BTBD7: variants seen among roughly 807,000 people sequenced by gnomAD.
BTBD7 encodes BTB/POZ domain-containing protein 7.
A neutral mutation model predicts 99.9 loss-of-function variants in BTBD7; 38 were observed. That is an observed-to-expected ratio of 0.38 (90% CI 0.29 to 0.50). The LOEUF (loss-of-function observed/expected upper bound fraction) is 0.50. BTBD7 is among the 20% of genes least tolerant of loss of function. The pLI is 0.93. For missense variants in BTBD7, 1,170 were observed against 1,394.6 expected (o/e 0.84, Z 2.57); for synonymous variants, 520 against 511.4 (o/e 1.02, Z -0.23).
chr14:93,262,390 C>T (rs1436590214), intron 4 of BTBD7, among the ~76,000 whole-genome samples: 1 of 152,058 alleles, frequency 6.6e-6, no homozygotes, highest in Non-Finnish European at 1.5e-5. Flanking sequence ...GCCTTGGCCT[C>T]CCAAAATGGC....
At chr14:93,275,021 T>C (rs2052639813) in intron 3 of BTBD7, among the ~76,000 whole-genome samples, 1 of 152,164 alleles carries the variant, frequency 6.6e-6, no homozygotes, top group Admixed American at 6.5e-5. Flanking sequence ...GAAAAAGAAG[T>C]AGGCAATCTC....
intron 3 of BTBD7, chr14:93,288,508 C>A (rs1447923069): frequency 1.3e-6 from 1 of 768,742 alleles, no homozygotes; most frequent in African/African-American, 1.7e-5. Flanking sequence ...TATTTTGATT[C>A]TACTGAAGTT....
rs2052306410 is a variant in BTBD7 at position 93,246,160 on chromosome 14, A to C, written c.2248T>G (p.Ser750Ala). The C allele has an allele frequency of 4.3e-6, 7 of 1,613,938 alleles. No homozygotes were observed. The highest frequency in any genetic ancestry group is 5.9e-6 in the Non-Finnish European group (7 of 1,179,990). The change falls in exon 10 of 11, where the codon TCT becomes GCT. Residue 750 changes from serine (S) to alanine (A), a missense_variant. Physicochemically the swap from Ser to Ala is moderately conservative, Grantham distance 99. This residue lies in a region of BTBD7 where 495 missense variants were observed against 525.9 expected (regional missense o/e 0.94). Coordinates refer to ENST00000334746, the MANE Select transcript of BTBD7 (RefSeq NM_001002860.4). ...AAGGGTGGATGGAAGGCCACAAAAG[A>C]GTCCAGATCTGTAAACATGGTTTCT... ...PAETMFTDLD[S>A]FVAFHPPLPP...
intron 1 of BTBD7, among the ~76,000 whole-genome samples, chr14:93,300,864 T>C (rs1019673995): frequency 1.3e-5 from 2 of 150,078 alleles, no homozygotes; most frequent in African/African-American, 4.9e-5. Context: ...GATCTATCTA[T>C]CTTGGCTTCC....
chr14:93,258,582 A>AT (rs957819390), intron 5 of BTBD7, among the ~76,000 whole-genome samples: 1 of 151,680 alleles, frequency 6.6e-6, no homozygotes, highest in African/African-American at 2.4e-5. Flanking sequence ...CCTTTTATTT[A>AT]TTTTTTTATT....
chr14:93,298,693 T>TA (rs906576436), intron 1 of BTBD7, among the ~76,000 whole-genome samples: 3 of 151,860 alleles, frequency 2.0e-5, no homozygotes, highest in South Asian at 4.2e-4. Flanking sequence ...TCCCTTTTTT[T>TA]AAAAAAAAGC....
intron 1 of BTBD7, among the ~76,000 whole-genome samples, chr14:93,302,703 G>A (rs928696372): frequency 2.6e-5 from 4 of 152,074 alleles, no homozygotes; most frequent in African/African-American, 9.7e-5. Flanking sequence ...AAATTAGCCC[G>A]GCGTGGTGGC....
chr14:93,244,416 T>C (rs2052276698), intron 10 of BTBD7: 1 of 173,960 alleles, frequency 5.7e-6, no homozygotes, highest in Non-Finnish European at 1.2e-5. Flanking sequence ...TTTGGGAGGC[T>C]GAGGCGGGTG....
At chr14:93,262,731 C>T (rs1029912252) in intron 4 of BTBD7, among the ~76,000 whole-genome samples, 4 of 151,226 alleles carry the variant, frequency 2.6e-5, no homozygotes, top group African/African-American at 9.7e-5. Context: ...ATGTAGCCCT[C>T]ATTTCTTTGT....
chr14:93,310,231 T>G lies in BTBD7; in HGVS notation c.-106-14074A>C, dbSNP rs12433934. 9.9e-3 allele frequency among the ~76,000 whole-genome samples: 1,515 copies of G among 152,318 alleles called. 36 individuals carry two copies. The highest frequency in any genetic ancestry group is 0.035 in the African/African-American group (1,457 of 41,562). ...ATTTCCATATTTACCTCTAAAAGGA[T>G]GTAAAGCAACTACAGACTATCATAT... On this transcript the variant is annotated intron_variant, in intron 1 of 10. Transcript: ENST00000334746.
intron 3 of BTBD7, among the ~76,000 whole-genome samples, chr14:93,273,562 G>C (rs1202447923): frequency 6.6e-6 from 1 of 152,202 alleles, no homozygotes; most frequent in Non-Finnish European, 1.5e-5. Flanking sequence ...CTTGGACACA[G>C]AAACCTGGAA....
intron 1 of BTBD7, among the ~76,000 whole-genome samples, chr14:93,299,972 TG>T (rs1202098141): frequency 6.6e-6 from 1 of 152,216 alleles, no homozygotes; most frequent in Non-Finnish European, 1.5e-5. Context: ...CATGAAGGAA[TG>T]AACTTGCATA....
chr14:93,300,964 G>T (rs2052997834), intron 1 of BTBD7, among the ~76,000 whole-genome samples: 2 of 151,870 alleles, frequency 1.3e-5, no homozygotes, highest in South Asian at 4.2e-4. Context: ...AAAAAAAGAG[G>T]CACCTGAATT....
At chr14:93,271,704 C>A (rs866938418) in intron 3 of BTBD7, among the ~76,000 whole-genome samples, 1 of 152,138 alleles carries the variant, frequency 6.6e-6, no homozygotes, top group South Asian at 2.1e-4. Context: ...TCAGCCTGTA[C>A]CAGATTAAAA....
intron 1 of BTBD7, among the ~76,000 whole-genome samples, chr14:93,300,901 C>A (rs1465984422): frequency 6.6e-6 from 1 of 151,736 alleles, no homozygotes; most frequent in Non-Finnish European, 1.5e-5. Flanking sequence ...CAGGTGTGAC[C>A]ACGGTGCCCA....
intron 3 of BTBD7, among the ~76,000 whole-genome samples, chr14:93,286,721 G>A (rs2052782561): frequency 6.6e-6 from 1 of 152,222 alleles, no homozygotes; most frequent in Middle Eastern, 3.4e-3. Context: ...TTCCAAACCT[G>A]GGAAAAGGCT....
intron 3 of BTBD7, among the ~76,000 whole-genome samples, chr14:93,285,900 G>A (rs2052771553): frequency 6.6e-6 from 1 of 152,168 alleles, no homozygotes; most frequent in Admixed American, 6.5e-5. Context: ...TATCTCAAAG[G>A]ACACTATTAA....
rs533420834 is a variant in BTBD7 at position 93,331,634 on chromosome 14, A to G, written c.-107+1186T>C. Among the ~76,000 whole-genome samples, 362 of 152,342 alleles carry G rather than the reference A, an allele frequency of 2.4e-3. 1 individual carries two copies. Among genetic ancestry groups the G allele is most frequent in the African/African-American group, 8.4e-3 (348 of 41,584 alleles). On this transcript the variant is annotated intron_variant, in intron 1 of 10. Transcript: ENST00000334746. ...GGTGGCTCACGCCTGCAATCCCAGT[A>G]GTTCGGAAGGACGAGGCGGGCGGAT...
intron 3 of BTBD7, among the ~76,000 whole-genome samples, chr14:93,276,389 T>C (rs191753437): frequency 6.6e-6 from 1 of 152,330 alleles, no homozygotes; most frequent in East Asian, 1.9e-4. Flanking sequence ...CCTGTAACAC[T>C]GGTTGCCTCT....
Sources: allele counts gnomAD v4.1 joint callset (sites outside exome capture counted in the v4.1 genomes callset), GRCh38; gene constraint gnomAD v4.1.1; regional missense constraint gnomAD v4.1.1; transcripts MANE v1.5; gene names NCBI Gene and HGNC (gene_info 2026-07-23, HGNC 2026-07-21).